MAP9: variants seen among roughly 807,000 people sequenced by gnomAD.
MAP9 encodes microtubule-associated protein 9.
In MAP9, 80 loss-of-function variants were observed where a neutral mutation model predicts 75.2. That is an observed-to-expected ratio of 1.06 (90% confidence interval 0.89 to 1.28). MAP9 has a LOEUF of 1.28. Ranked by LOEUF, MAP9 falls within the 50% of genes most tolerant of loss-of-function variation. The pLI, the probability that MAP9 is intolerant of heterozygous loss-of-function variation, is 0.00. For synonymous variants in MAP9, 235 were observed against 237.3 expected, an observed-to-expected ratio of 0.99 and a Z score of 0.09; for missense variants, 753 against 719.9, an observed-to-expected ratio of 1.05 and a Z score of -0.53.
Position 155,355,778 on chromosome 4 carries a change from GT to G in MAP9, c.1227del (p.Lys409AsnfsTer8). Reference protein sequence around the residue: ...YLGTLKVLDQKPSQKQSIEPD... With the variant: ...YLGTLKVLDQXPSQKQSIEPD... ...GGTTCTATGCTCTGTTTCTGTGAAG[GT>G]TTTTGGTCCAAGACTTTTAAAGTCC... is the stretch of plus-strand genomic sequence containing the variant. On this transcript the variant is annotated frameshift_variant, in exon 9 of 14. Transcript: ENST00000311277. LOFTEE classifies it high-confidence loss of function. The G allele has an allele frequency of 6.2e-7, 1 of 1,613,918 alleles. No homozygotes were observed. Among genetic ancestry groups the G allele is most frequent in the Non-Finnish European group, 8.5e-7 (1 of 1,179,920 alleles).
chr4:155,359,614 C>G (rs1731974138), intron 7 of MAP9, among the ~76,000 whole-genome samples: 1 of 151,984 alleles, frequency 6.6e-6, no homozygotes, highest in Non-Finnish European at 1.5e-5. Flanking sequence ...TTCATCACCT[C>G]TGGAGGTTGC....
At chr4:155,355,961 G>A (rs1213785190) in intron 8 of MAP9, 77 bp from the exon 9 acceptor site, 24 of 1,300,704 alleles carry the variant, frequency 1.8e-5, no homozygotes, top group Admixed American at 2.2e-5. Flanking sequence ...GAATATGCAC[G>A]TATAATATTT....
At chr4:155,352,461 G>C in intron 13 of MAP9, 135 bp downstream of exon 13, 1 of 810,832 alleles carries the variant, frequency 1.2e-6, no homozygotes, top group East Asian at 2.9e-5. Context: ...TGCAGGAGGA[G>C]AGCTTGAATT....
rs1578848813 is a variant in MAP9 at position 155,361,915 on chromosome 4, A to G, written c.802+133T>C. 8.6e-6 allele frequency: 5 copies of G among 583,388 alleles called. No homozygotes were observed. In the South Asian group the frequency reaches 1.0e-4, roughly 12 times the overall value. 36.1% of individuals were successfully genotyped at this position (583,388 alleles called of 1,614,324 possible). ...CAAAATCACAGTTAGTTAACTACAT[A>G]GTCAGGATTAAAACTCAAACACATA... On this transcript the variant is annotated intron_variant, in intron 6 of 13. Transcript: ENST00000311277.
At chr4:155,356,795 C>T (rs2341868) in intron 8 of MAP9, among the ~76,000 whole-genome samples, 41,295 of 151,974 alleles carry the variant, frequency 0.27, 5,991 homozygotes, top group Non-Finnish European at 0.32. Context: ...AAAATATGCA[C>T]TAACTGGCCA....
At chr4:155,359,806 C>A (rs1256103174) in intron 7 of MAP9, among the ~76,000 whole-genome samples, 1 of 151,898 alleles carries the variant, frequency 6.6e-6, no homozygotes, top group African/African-American at 2.4e-5. Context: ...AAAACAATAT[C>A]CAAAAACATA....
chr4:155,352,426 A>C, intron 13 of MAP9, 170 bp downstream of exon 13: 1 of 615,750 alleles, frequency 1.6e-6, no homozygotes, highest in Non-Finnish European at 2.7e-6. Context: ...AATAGAAATG[A>C]CTAAGTCAAA....
At chr4:155,359,442 G>A (rs1035407138) in intron 7 of MAP9, among the ~76,000 whole-genome samples, 2 of 152,002 alleles carry the variant, frequency 1.3e-5, no homozygotes, top group African/African-American at 4.8e-5. Flanking sequence ...ACTAGGAAAG[G>A]TGAGAGGGAG....
chr4:155,364,249 T>C (rs1339049716), intron 5 of MAP9, among the ~76,000 whole-genome samples: 4 of 151,744 alleles, frequency 2.6e-5, no homozygotes, highest in Non-Finnish European at 5.9e-5. Context: ...CAACCACCAT[T>C]TGAAAACAAA....
intron 6 of MAP9, chr4:155,361,265 GA>G (rs374926289): frequency 3.3e-4 from 50 of 152,116 alleles, no homozygotes; most frequent in African/African-American, 1.1e-3. Flanking sequence ...TCTGTTCAGT[GA>G]AAAGAACAAG....
chr4:155,363,074 T>C (rs1578850485), intron 5 of MAP9: 1 of 152,162 alleles, frequency 6.6e-6, no homozygotes, highest in Non-Finnish European at 1.5e-5. Flanking sequence ...CCAATAAGTA[T>C]GTGGAAAATA....
At chr4:155,369,112 G>A (rs931541378) in intron 4 of MAP9, among the ~76,000 whole-genome samples, 2 of 152,104 alleles carry the variant, frequency 1.3e-5, no homozygotes, top group Non-Finnish European at 2.9e-5. Flanking sequence ...CATGAGGTCA[G>A]GAGTTCGAGA....
At chr4:155,373,061 A>T in intron 4 of MAP9, 75 bp downstream of exon 4, 1 of 933,800 alleles carries the variant, frequency 1.1e-6, no homozygotes, top group Non-Finnish European at 1.5e-6. Context: ...ACTAGCTACC[A>T]TATAAAAATT....
chr4:155,368,493 C>T, intron 5 of MAP9, 93 bp downstream of exon 5: 1 of 1,021,604 alleles, frequency 9.8e-7, no homozygotes. Context: ...CACACACACG[C>T]ACACAAATTC....
intron 4 of MAP9, 62 bp from the exon 5 acceptor site, chr4:155,368,874 C>A: frequency 7.3e-7 from 1 of 1,369,118 alleles, no homozygotes. Flanking sequence ...ATCTATCTCT[C>A]TGGGTGCTAC....
intron 5 of MAP9, chr4:155,362,841 A>G (rs1467697674): frequency 1.3e-5 from 2 of 152,332 alleles, no homozygotes; most frequent in African/African-American, 2.4e-5. Context: ...AAAGGAAATT[A>G]TATGTCAAAA....
In MAP9 at chr4:155,368,796, A is replaced by C. The variant is rs756148368; in HGVS notation, c.498T>G (p.Leu166=). The change falls in exon 5 of 14, where the codon CTT becomes CTG. Residue 166 remains leucine (L), a synonymous_variant. Coordinates refer to ENST00000311277, the MANE Select transcript of MAP9 (RefSeq NM_001039580.2). ...ATGGTTTAAAGTGATCATCTGTGTC[A>C]AGGCTGTTGTTTTCTGCTGAAAAAT... ...KSTSSAENNS[L]DTDDHFKPSP... is the part of the protein sequence containing the mutation. The C allele has an allele frequency of 6.2e-7, 1 of 1,604,862 alleles. No homozygotes were observed. The highest frequency in any genetic ancestry group is 1.3e-5 in the African/African-American group (1 of 74,296).
intron 4 of MAP9, among the ~76,000 whole-genome samples, chr4:155,372,221 C>A (rs59727626): frequency 0.073 from 11,139 of 152,046 alleles, 965 homozygotes; most frequent in East Asian, 0.42. Context: ...CCAATACATG[C>A]CTGAAATAAA....
chr4:155,358,551 T>C (rs1424693645), intron 7 of MAP9, among the ~76,000 whole-genome samples: 2 of 152,146 alleles, frequency 1.3e-5, no homozygotes, highest in Non-Finnish European at 2.9e-5. Context: ...TGCTAGCTAA[T>C]TGCAGCTACA....
Sources: gnomAD v4.1 joint callset for allele counts (sites outside exome capture counted in the v4.1 genomes callset) on GRCh38, gnomAD v4.1.1 for gene constraint, MANE v1.5 for transcripts, NCBI Gene and HGNC (gene_info 2026-07-23, HGNC 2026-07-21) for gene names.